Variants in CORIN observed in about 807,000 individuals in gnomAD.
The protein encoded by CORIN is atrial natriuretic peptide-converting enzyme.
In CORIN, 117 loss-of-function variants were observed where a neutral mutation model predicts 125.3. That is an observed-to-expected ratio of 0.93 (90% CI 0.80 to 1.09). The LOEUF (loss-of-function observed/expected upper bound fraction) is 1.09, where lower values mean the gene tolerates loss of function less well. Among genes scored for constraint, CORIN ranks in the 50% least tolerant of loss-of-function variants. The pLI, the probability that CORIN is intolerant of heterozygous loss-of-function variation, is 0.00. For synonymous variants in CORIN, 450 were observed against 466.4 expected (o/e 0.96, Z 0.45); for missense variants, 1,253 against 1,306.7 (o/e 0.96, Z 0.63).
intron 21 of CORIN, 27 bp from the exon 22 acceptor site, chr4:47,595,930 G>C: frequency 6.3e-7 from 1 of 1,586,454 alleles, no homozygotes; most frequent in East Asian, 2.2e-5. Context: ...TGGGAGTTAG[G>C]AACTGGCATT....
chr4:47,630,590 C>A (rs1423461079), intron 16 of CORIN, among the ~76,000 whole-genome samples: 1 of 152,118 alleles, frequency 6.6e-6, no homozygotes, highest in African/African-American at 2.4e-5. Context: ...ATGATCTAAT[C>A]CAGCAGCTAG....
chr4:47,655,579 C>G (rs1723935833), intron 12 of CORIN, among the ~76,000 whole-genome samples: 1 of 152,194 alleles, frequency 6.6e-6, no homozygotes, highest in East Asian at 1.9e-4. Context: ...TGAGGAAAAA[C>G]CACTAGCACT....
intron 1 of CORIN, among the ~76,000 whole-genome samples, chr4:47,807,569 T>C (rs757720771): frequency 6.6e-6 from 1 of 152,186 alleles, no homozygotes; most frequent in Non-Finnish European, 1.5e-5. Context: ...TTACTGACCA[T>C]GCATTTAGTG....
At chr4:47,787,154 C>T (rs1217828715) in intron 2 of CORIN, among the ~76,000 whole-genome samples, 1 of 152,116 alleles carries the variant, frequency 6.6e-6, no homozygotes, top group East Asian at 1.9e-4. Context: ...TGTGATGAAA[C>T]ATGGCTTTCT....
At chr4:47,670,163 T>C (rs1351260495) in intron 10 of CORIN, among the ~76,000 whole-genome samples, 1 of 152,188 alleles carries the variant, frequency 6.6e-6, no homozygotes, top group East Asian at 1.9e-4. Context: ...TGGGCTTCAT[T>C]CCATTCACAA....
intron 5 of CORIN, chr4:47,706,299 C>G (rs1258065310): frequency 1.8e-6 from 2 of 1,089,460 alleles, no homozygotes; most frequent in African/African-American, 1.6e-5. Context: ...CTAAACTGCT[C>G]TACTCTATGG....
At chr4:47,778,930 A>G (rs1730409598) in intron 3 of CORIN, among the ~76,000 whole-genome samples, 1 of 152,174 alleles carries the variant, frequency 6.6e-6, no homozygotes, top group Admixed American at 6.5e-5. Context: ...TTTCCTCTAC[A>G]GCAGGTGCCC....
At chr4:47,608,140 G>T (rs536314894) in intron 19 of CORIN, among the ~76,000 whole-genome samples, 1 of 151,740 alleles carries the variant, frequency 6.6e-6, no homozygotes, top group South Asian at 2.1e-4. Flanking sequence ...GGCCAGCATG[G>T]CAAAACCCCA....
chr4:47,653,719 T>C, intron 12 of CORIN, 59 bp from the exon 13 acceptor site: 1 of 1,387,896 alleles, frequency 7.2e-7, no homozygotes, highest in South Asian at 1.2e-5. Context: ...AGCTAATTTA[T>C]GTATTTACAT....
At chr4:47,816,790 G>A (rs1022903701) in intron 1 of CORIN, among the ~76,000 whole-genome samples, 5 of 151,902 alleles carry the variant, frequency 3.3e-5, no homozygotes, top group African/African-American at 4.8e-5. Flanking sequence ...AGGATATTTG[G>A]CATCCCTGGC....
At chr4:47,717,496 T>G (rs1389586367) in intron 5 of CORIN, among the ~76,000 whole-genome samples, 1 of 152,170 alleles carries the variant, frequency 6.6e-6, no homozygotes, top group Non-Finnish European at 1.5e-5. Context: ...CATCCATCCT[T>G]TTTCTTACAC....
intron 2 of CORIN, among the ~76,000 whole-genome samples, chr4:47,803,329 A>G (rs539351403): frequency 1.8e-4 from 28 of 152,234 alleles, no homozygotes; most frequent in Non-Finnish European, 4.0e-4. Context: ...TACCAAAGAC[A>G]TTCTTCATAG....
Position 47,837,981 on chromosome 4 carries a change from C to T in CORIN, c.-32G>A. 1 of 1,608,400 alleles carries T rather than the reference C, an allele frequency of 6.2e-7. No homozygotes were observed. Among genetic ancestry groups the T allele is most frequent in the Non-Finnish European group, 8.5e-7 (1 of 1,179,890 alleles). ...AAAGTCTCGCTTATTCTTCTGTCCA[C>T]TTTTATCTTGGTCGCTTTTCTCTCC... On this transcript the variant is annotated 5_prime_UTR_variant, in exon 1 of 22. It adds an upstream start codon to the 5' untranslated region. Coordinates refer to ENST00000273857, the MANE Select transcript of CORIN (RefSeq NM_006587.4).
In CORIN at chr4:47,729,615, G is replaced by A. The variant is rs991072310; in HGVS notation, c.799+14787C>T. On this transcript the variant is annotated intron_variant, in intron 5 of 21. Coordinates refer to ENST00000273857, the MANE Select transcript of CORIN (RefSeq NM_006587.4). ...TCTAGGAGGCACAAATGATACAGAC[G>A]GGAGGTGGAAATGCTGGGTAGAAGA... Among the ~76,000 whole-genome samples, 3 of 152,130 alleles carry A rather than the reference G, an allele frequency of 2.0e-5. No homozygotes were observed. In the South Asian group the frequency reaches 6.2e-4, roughly 32 times the overall value.
chr4:47,631,646 A>T (rs1267776944), intron 16 of CORIN, among the ~76,000 whole-genome samples: 3 of 152,182 alleles, frequency 2.0e-5, no homozygotes, highest in Non-Finnish European at 4.4e-5. Context: ...AACGTGCTTG[A>T]ATCATGCCAA....
intron 4 of CORIN, among the ~76,000 whole-genome samples, chr4:47,759,194 T>C (rs1729334036): frequency 6.6e-6 from 1 of 152,146 alleles, no homozygotes; most frequent in Non-Finnish European, 1.5e-5. Flanking sequence ...GAAATTAGAC[T>C]CTTATCGCAT....
At chr4:47,638,955 G>T (rs966130349) in intron 16 of CORIN, among the ~76,000 whole-genome samples, 4 of 152,140 alleles carry the variant, frequency 2.6e-5, no homozygotes, top group Non-Finnish European at 4.4e-5. Flanking sequence ...ACACATGAAA[G>T]GCATAATTTG....
intron 1 of CORIN, among the ~76,000 whole-genome samples, chr4:47,822,325 A>G (rs1484879278): frequency 2.0e-5 from 3 of 152,202 alleles, no homozygotes; most frequent in African/African-American, 7.2e-5. Flanking sequence ...ATATTAATGG[A>G]TATTTCCTAT....
intron 5 of CORIN, among the ~76,000 whole-genome samples, chr4:47,739,498 A>T (rs1390167533): frequency 1.3e-5 from 2 of 152,046 alleles, no homozygotes; most frequent in Non-Finnish European, 2.9e-5. Flanking sequence ...GATAAACAAA[A>T]GTGGAGAGAA....
Sources: allele counts gnomAD v4.1 joint callset (sites outside exome capture counted in the v4.1 genomes callset), GRCh38; gene constraint gnomAD v4.1.1; transcripts MANE v1.5; gene names NCBI Gene and HGNC (gene_info 2026-07-23, HGNC 2026-07-21).